Variants in GALNT13 observed in about 807,000 individuals in gnomAD.
The protein encoded by GALNT13 is UDP-GalNAc:polypeptide N-acetylgalactosaminyltransferase 13.
GALNT13 carries 28 observed loss-of-function variants against 64.2 expected under a neutral mutation model. That is an observed-to-expected ratio of 0.44 (90% CI 0.32 to 0.60). The LOEUF is 0.60. GALNT13 is among the 20% of genes least tolerant of loss of function. The probability of loss-of-function intolerance (pLI) is 0.05; values close to 1 mark genes in which losing one functional copy is unlikely to be tolerated. For synonymous variants in GALNT13, 214 were observed against 224.6 expected (o/e 0.95, Z 0.42); for missense variants, 577 against 669.8 (o/e 0.86, Z 1.53).
At chr2:154,208,624 C>CTG (rs57789546) in intron 4 of GALNT13, among the ~76,000 whole-genome samples, 1,885 of 140,434 alleles carry the variant, frequency 0.013, 17 homozygotes, top group South Asian at 0.034. Context: ...TTTTGCGTGT[C>CTG]TGTGTGTGTG....
the GALNT13 span, among the ~76,000 whole-genome samples, chr2:153,402,736 T>C: frequency 2.0e-5 from 3 of 152,240 alleles, no homozygotes; most frequent in Admixed American, 1.3e-4. Flanking sequence ...CTGAGGCTTC[T>C]GCATTCTTCA....
intron 11 of GALNT13, chr2:154,436,700 ATTC>A (rs1213075596): frequency 6.6e-6 from 1 of 152,158 alleles, no homozygotes; most frequent in African/African-American, 2.4e-5. Flanking sequence ...TTTTTATTTT[ATTC>A]TTCTTAGGTG....
chr2:153,278,701 A>T, the GALNT13 span, among the ~76,000 whole-genome samples: 1 of 152,102 alleles, frequency 6.6e-6, no homozygotes. Context: ...ATTATGTTCC[A>T]TGGGTCTATG....
At chr2:153,323,323 C>T in the GALNT13 span, among the ~76,000 whole-genome samples, 1 of 151,932 alleles carries the variant, frequency 6.6e-6, no homozygotes, top group African/African-American at 2.4e-5. Flanking sequence ...TATCCTTCAC[C>T]CACTTTTTGA....
At chr2:153,407,374 C>G in the GALNT13 span, among the ~76,000 whole-genome samples, 17 of 152,128 alleles carry the variant, frequency 1.1e-4, no homozygotes, top group Admixed American at 1.3e-4. Flanking sequence ...TTTGAGGTTG[C>G]CTTCTCAAAT....
chr2:153,949,596 C>CAA (rs77144332), intron 3 of GALNT13, among the ~76,000 whole-genome samples: 2 of 150,734 alleles, frequency 1.3e-5, no homozygotes, highest in South Asian at 2.1e-4. Flanking sequence ...TAGTAAAAAG[C>CAA]AAAAAAATAC....
intron 3 of GALNT13, among the ~76,000 whole-genome samples, chr2:154,037,175 T>A (rs892447883): frequency 1.3e-4 from 20 of 152,274 alleles, no homozygotes; most frequent in Admixed American, 6.5e-4. Flanking sequence ...CCTGTTTTTC[T>A]TGTGGAGTGT....
the GALNT13 span, among the ~76,000 whole-genome samples, chr2:153,101,085 T>C: frequency 6.6e-6 from 1 of 152,190 alleles, no homozygotes; most frequent in Non-Finnish European, 1.5e-5. Context: ...TATAATTATG[T>C]ATGTTATGAT....
At chr2:153,659,307 C>CA in the GALNT13 span, among the ~76,000 whole-genome samples, 1 of 151,950 alleles carries the variant, frequency 6.6e-6, no homozygotes, top group East Asian at 1.9e-4. Flanking sequence ...TTGCATATCC[C>CA]CCCCATCCCT....
chr2:153,600,560 T>A, the GALNT13 span, among the ~76,000 whole-genome samples: 1 of 151,956 alleles, frequency 6.6e-6, no homozygotes, highest in African/African-American at 2.4e-5. Context: ...AACTCCTGGG[T>A]CTGCACTAGT....
the GALNT13 span, among the ~76,000 whole-genome samples, chr2:153,438,231 T>C: frequency 2.6e-5 from 4 of 152,338 alleles, no homozygotes; most frequent in South Asian, 4.1e-4. Flanking sequence ...GTGGGTAACC[T>C]GACCTTTCTC....
At chr2:153,554,867 A>G in the GALNT13 span, among the ~76,000 whole-genome samples, 1 of 152,198 alleles carries the variant, frequency 6.6e-6, no homozygotes, top group Non-Finnish European at 1.5e-5. Flanking sequence ...TTAAAAATAT[A>G]TGAAAATTAT....
At chr2:154,416,911 C>A (rs2105412125) in intron 11 of GALNT13, among the ~76,000 whole-genome samples, 1 of 152,282 alleles carries the variant, frequency 6.6e-6, no homozygotes, top group African/African-American at 2.4e-5. Flanking sequence ...CCTGGGCTTG[C>A]AGCCATTGTT....
At chr2:153,684,568 A>G in the GALNT13 span, among the ~76,000 whole-genome samples, 20 of 151,870 alleles carry the variant, frequency 1.3e-4, no homozygotes, top group East Asian at 3.7e-3. Context: ...TTTGGCCACA[A>G]TGATTCTCTC....
chr2:154,288,597 G>A (rs1692413925), intron 8 of GALNT13, among the ~76,000 whole-genome samples: 2 of 152,182 alleles, frequency 1.3e-5, no homozygotes, highest in African/African-American at 2.4e-5. Flanking sequence ...AAATACGGCT[G>A]TTCCAAATAG....
chr2:153,976,979 T>C (rs935459779), intron 3 of GALNT13, among the ~76,000 whole-genome samples: 2 of 152,170 alleles, frequency 1.3e-5, no homozygotes, highest in African/African-American at 4.8e-5. Context: ...ATAGAGGGCA[T>C]ACTAGTCATA....
At chr2:154,279,167 G>A (rs1258395584) in intron 8 of GALNT13, among the ~76,000 whole-genome samples, 2 of 151,980 alleles carry the variant, frequency 1.3e-5, no homozygotes, top group African/African-American at 4.8e-5. Flanking sequence ...CACTCTAGAT[G>A]AGTTCTTATT....
the GALNT13 span, among the ~76,000 whole-genome samples, chr2:153,578,083 T>C: frequency 2.6e-5 from 4 of 152,118 alleles, no homozygotes; most frequent in African/African-American, 9.7e-5. Context: ...TCTTAAACTC[T>C]ACATTTCTAA....
At chr2:154,061,126 C>G (rs1267964872) in intron 3 of GALNT13, among the ~76,000 whole-genome samples, 1 of 152,084 alleles carries the variant, frequency 6.6e-6, no homozygotes, top group Non-Finnish European at 1.5e-5. Context: ...ATATCCCTAT[C>G]CCCTTTAACC....
Sources: allele counts gnomAD v4.1 joint callset (sites outside exome capture counted in the v4.1 genomes callset), GRCh38; gene constraint gnomAD v4.1.1; transcripts MANE v1.5; gene names NCBI Gene and HGNC (gene_info 2026-07-23, HGNC 2026-07-21).